NKAIN2: variants seen among roughly 807,000 people sequenced by gnomAD.
The protein encoded by NKAIN2 is sodium/potassium transporting ATPase interacting 2, also known as sodium/potassium-transporting ATPase subunit beta-1-interacting protein 2.
A neutral mutation model predicts 32.6 loss-of-function variants in NKAIN2; 14 were observed. That is an observed-to-expected ratio of 0.43 (90% CI 0.28 to 0.67). The LOEUF is 0.67. NKAIN2 is among the 30% of genes least tolerant of loss of function. The pLI, the probability that NKAIN2 is intolerant of heterozygous loss-of-function variation, is 0.17. For missense variants in NKAIN2, 198 were observed against 258.3 expected (o/e 0.77, Z 1.60); for synonymous variants, 80 against 87.2 (o/e 0.92, Z 0.46).
chr6:124,058,040 TA>T (rs2114848644), intron 1 of NKAIN2, among the ~76,000 whole-genome samples: 1 of 152,172 alleles, frequency 6.6e-6, no homozygotes, highest in African/African-American at 2.4e-5. Flanking sequence ...GATTAGATAA[TA>T]GTTATATTTC....
chr6:124,066,555 G>A (rs1783189526), intron 1 of NKAIN2, among the ~76,000 whole-genome samples: 1 of 152,132 alleles, frequency 6.6e-6, no homozygotes, highest in Non-Finnish European at 1.5e-5. Context: ...ATGCACATTA[G>A]AATTAGAATT....
intron 2 of NKAIN2, among the ~76,000 whole-genome samples, chr6:124,346,451 G>A (rs1421689153): frequency 2.0e-5 from 3 of 152,100 alleles, no homozygotes; most frequent in Admixed American, 6.6e-5. Context: ...GTCTCCCATT[G>A]TTATTGTGTG....
At chr6:124,047,653 A>G (rs1259104974) in intron 1 of NKAIN2, among the ~76,000 whole-genome samples, 1 of 151,998 alleles carries the variant, frequency 6.6e-6, no homozygotes, top group African/African-American at 2.4e-5. Context: ...AGTGAGTAGT[A>G]TCAGCTCTGG....
intron 2 of NKAIN2, among the ~76,000 whole-genome samples, chr6:124,301,143 T>C (rs932550515): frequency 6.6e-6 from 1 of 152,136 alleles, no homozygotes; most frequent in African/African-American, 2.4e-5. Context: ...AGGGACTTGC[T>C]GCCCTACATC....
intron 1 of NKAIN2, among the ~76,000 whole-genome samples, chr6:124,048,011 G>T (rs1233512109): frequency 3.3e-5 from 5 of 151,936 alleles, no homozygotes; most frequent in Non-Finnish European, 5.9e-5. Flanking sequence ...TGTGAACATG[G>T]ATATCAGTTA....
At chr6:123,953,260 G>T (rs1481124436) in intron 1 of NKAIN2, among the ~76,000 whole-genome samples, 1 of 152,158 alleles carries the variant, frequency 6.6e-6, no homozygotes, top group Non-Finnish European at 1.5e-5. Flanking sequence ...GGCTCCAGAA[G>T]TAGCAGCAGG....
rs894020354 is a variant in NKAIN2, at chr6:124,794,846, G to A, written c.535+3447G>A. On this transcript the variant is annotated intron_variant, in intron 5 of 6. Transcript: ENST00000368417. ...ACTTTCCTGATGTTTATCCTCAGAC[G>A]ATGCCTGGACATATGACTTCCGATC... The A allele has an allele frequency of 1.2e-5, 12 of 966,082 alleles. No individual in the cohort carries two copies. The South Asian group carries it at 1.4e-4, about 12-fold the overall frequency. The allele number at this position is 966,082 out of a possible 1,614,324, so 59.8% of individuals were successfully genotyped here. A position where few individuals can be genotyped will look rare whatever the true frequency, so the allele number is the denominator to read the frequency against.
intron 1 of NKAIN2, among the ~76,000 whole-genome samples, chr6:124,202,085 G>C (rs1440862563): frequency 6.6e-6 from 1 of 151,694 alleles, no homozygotes; most frequent in Admixed American, 6.6e-5. Flanking sequence ...ATGACTACAG[G>C]AGTATTGAAA....
Position 124,778,963 on chromosome 6 carries a change from C to T in NKAIN2, c.475-12376C>T, listed in dbSNP as rs531916502. 6.7e-4 allele frequency among the ~76,000 whole-genome samples: 102 copies of T among 152,148 alleles called. 1 individual carries two copies. The highest frequency in any genetic ancestry group is 2.3e-3 in the African/African-American group (94 of 41,514). ...TTGCTTCTCCTAGGAGCTCAAAGTGCATTCATAGTTATGATTTTTTTATCT... is the reference window on the plus strand; with the variant it reads ...TTGCTTCTCCTAGGAGCTCAAAGTGTATTCATAGTTATGATTTTTTTATCT... On this transcript the variant is annotated intron_variant, in intron 4 of 6. Transcript: ENST00000368417.
At chr6:123,958,768 A>G (rs955368079) in intron 1 of NKAIN2, among the ~76,000 whole-genome samples, 1 of 152,228 alleles carries the variant, frequency 6.6e-6, no homozygotes, top group African/African-American at 2.4e-5. Context: ...CCTAGGCTGA[A>G]TCGCTACGTC....
chr6:124,439,167 C>T (rs1032827956), intron 3 of NKAIN2, among the ~76,000 whole-genome samples: 42 of 152,254 alleles, frequency 2.8e-4, no homozygotes, highest in Admixed American at 1.0e-3. Flanking sequence ...TTTCGCATTA[C>T]GCTTCCGCTC....
chr6:124,352,023 A>G (rs1798757352), intron 2 of NKAIN2, among the ~76,000 whole-genome samples: 1 of 152,224 alleles, frequency 6.6e-6, no homozygotes, highest in South Asian at 2.1e-4. Flanking sequence ...ACTTTCAAAC[A>G]GTTGATCATT....
At chr6:124,252,458 T>C (rs74817466) in intron 1 of NKAIN2, among the ~76,000 whole-genome samples, 11,730 of 152,060 alleles carry the variant, frequency 0.077, 486 homozygotes, top group Middle Eastern at 0.1. Context: ...AGGAGGAAGA[T>C]GAGATGATAA....
At chr6:123,999,796 A>G (rs1779795047) in intron 1 of NKAIN2, among the ~76,000 whole-genome samples, 1 of 152,072 alleles carries the variant, frequency 6.6e-6, no homozygotes, top group South Asian at 2.1e-4. Flanking sequence ...CCATTAGCAC[A>G]TTAGAGAGAG....
At chr6:124,302,399 G>A (rs576266439) in intron 2 of NKAIN2, among the ~76,000 whole-genome samples, 1 of 152,276 alleles carries the variant, frequency 6.6e-6, no homozygotes, top group African/African-American at 2.4e-5. Context: ...TTTCCTCCAT[G>A]ACACAGACTA....
intron 1 of NKAIN2, among the ~76,000 whole-genome samples, chr6:124,001,712 A>T (rs1324971809): frequency 6.6e-6 from 1 of 151,058 alleles, no homozygotes; most frequent in African/African-American, 2.4e-5. Flanking sequence ...GTCACATAAC[A>T]TAAAAACAAG....
chr6:124,439,543 C>G (rs544401185), intron 3 of NKAIN2, among the ~76,000 whole-genome samples: 1 of 151,772 alleles, frequency 6.6e-6, no homozygotes, highest in Non-Finnish European at 1.5e-5. Context: ...TCCTTAGGGT[C>G]TGTATTAGGC....
chr6:124,750,319 T>C (rs1174351443), intron 4 of NKAIN2, among the ~76,000 whole-genome samples: 1 of 151,954 alleles, frequency 6.6e-6, no homozygotes, highest in East Asian at 1.9e-4. Context: ...TTCTCAACCT[T>C]GAGTCTTCCA....
At chr6:123,971,711 T>C (rs1778350624) in intron 1 of NKAIN2, among the ~76,000 whole-genome samples, 2 of 152,200 alleles carry the variant, frequency 1.3e-5, no homozygotes, top group Admixed American at 6.6e-5. Context: ...GATTTTCTTA[T>C]CAGCTGTCTT....
Sources: gnomAD v4.1 joint callset for allele counts (sites outside exome capture counted in the v4.1 genomes callset) on GRCh38, gnomAD v4.1.1 for gene constraint, MANE v1.5 for transcripts, NCBI Gene and HGNC (gene_info 2026-07-23, HGNC 2026-07-21) for gene names.